Variants in LRP1B observed in about 807,000 individuals in gnomAD.
LRP1B encodes LDL receptor related protein 1B.
In LRP1B, 217 loss-of-function variants were observed where a neutral mutation model predicts 556.6. The ratio of observed to expected loss-of-function variants is 0.39; its 90% CI spans 0.35 to 0.44. LRP1B has a LOEUF of 0.44. Ranked by LOEUF, LRP1B falls within the 20% of genes least tolerant of loss-of-function variation. The pLI is 1.00. For synonymous variants in LRP1B, 2,047 were observed against 1,865.8 expected, an observed-to-expected ratio of 1.10 and a Z score of -2.50; for missense variants, 5,053 against 5,620.8, an observed-to-expected ratio of 0.90 and a Z score of 3.23.
At chr2:140,295,003 A>C (rs1002713354) in intron 84 of LRP1B, among the ~76,000 whole-genome samples, 3 of 151,960 alleles carry the variant, frequency 2.0e-5, no homozygotes, top group Non-Finnish European at 4.4e-5. Flanking sequence ...CAGCCTCCCT[A>C]GTAGCTGGGA....
intron 1 of LRP1B, among the ~76,000 whole-genome samples, chr2:141,880,222 G>T (rs1367682431): frequency 6.6e-6 from 1 of 151,888 alleles, no homozygotes. Context: ...TCTGAGGAAG[G>T]GAACTTGTCT....
chr2:141,434,055 G>C (rs1290651149), intron 3 of LRP1B, among the ~76,000 whole-genome samples: 3 of 149,648 alleles, frequency 2.0e-5, no homozygotes, highest in Admixed American at 2.0e-4. Flanking sequence ...CATCATGACT[G>C]TATGTCTGAG....
At chr2:140,514,596 T>C in intron 51 of LRP1B, 57 bp downstream of exon 51, 1 of 1,481,156 alleles carries the variant, frequency 6.8e-7, no homozygotes, top group Non-Finnish European at 9.0e-7. Flanking sequence ...TGCTATAAAA[T>C]GATAGAGCAT....
intron 1 of LRP1B, among the ~76,000 whole-genome samples, chr2:141,991,061 C>A (rs573306052): frequency 2.8e-4 from 43 of 152,010 alleles, no homozygotes; most frequent in Non-Finnish European, 6.0e-4. Flanking sequence ...TCATATCATA[C>A]TGAAGGCTAC....
intron 15 of LRP1B, among the ~76,000 whole-genome samples, chr2:140,997,605 C>T (rs1361704307): frequency 6.6e-6 from 1 of 151,864 alleles, no homozygotes; most frequent in African/African-American, 2.4e-5. Flanking sequence ...AGAATTATAA[C>T]TTAGTCATAA....
chr2:141,354,225 T>C (rs1185334292), intron 3 of LRP1B, among the ~76,000 whole-genome samples: 2 of 151,808 alleles, frequency 1.3e-5, no homozygotes, highest in African/African-American at 4.8e-5. Context: ...AAAAAAGAAA[T>C]GCAAATCAGG....
In LRP1B at chr2:141,854,190, A is replaced by G. The variant is rs147323070; in HGVS notation, c.83-43789T>C. 2.2e-3 allele frequency among the ~76,000 whole-genome samples: 342 copies of G among 152,156 alleles called. 2 individuals carry two copies. The highest frequency in any genetic ancestry group is 3.7e-3 in the Non-Finnish European group (253 of 67,934). The stretch of plus-strand genomic sequence containing the variant: ...CATGACTGACATTTATAATATAAAC[A>G]TGGAAGCGGCACTTACATTTTTAAA... On this transcript the variant is annotated intron_variant, in intron 1 of 90. Coordinates refer to ENST00000389484, the MANE Select transcript of LRP1B (RefSeq NM_018557.3).
chr2:140,492,649 T>C lies in LRP1B; in HGVS notation c.9079A>G (p.Lys3027Glu), dbSNP rs768186771. 1.2e-6 allele frequency: 2 copies of C among 1,613,784 alleles called. No homozygotes were observed. Among genetic ancestry groups the C allele is most frequent in the Admixed American group, 1.7e-5 (1 of 60,018 alleles). The change falls in exon 57 of 91, where the codon AAA (lysine) becomes GAA (glutamate). Residue 3027 changes from lysine to glutamate, a missense_variant. Around this residue, in one of 5 missense-constraint regions of LRP1B, gnomAD observed 3,619 missense variants for 3,931.9 expected, o/e 0.92. Coordinates refer to ENST00000389484, the MANE Select transcript of LRP1B (RefSeq NM_018557.3). ...LILADHHEIR[K>E]ISTDGSNYTL... ...TAGTTGGAGCCATCAGTGCTAATTT[T>C]CCTTATCTCATGATGATCAGCAAGA...
rs528378361 is a variant in LRP1B, at chr2:141,215,567, C to A, written c.850+13616G>T. Among the ~76,000 whole-genome samples the A allele has an allele frequency of 2.0e-5, 3 of 152,262 alleles. No individual in the cohort carries two copies. The South Asian group carries it at 6.2e-4, about 32-fold the overall frequency. ...CTGGGTATATGGTTGTGACCAAATG[C>A]TGATACTAATATGGACAGTGAAGTT... On this transcript the variant is annotated intron_variant, in intron 6 of 90. Transcript: ENST00000389484.
intron 66 of LRP1B, among the ~76,000 whole-genome samples, chr2:140,391,737 TATTA>T (rs1171600853): frequency 2.0e-5 from 3 of 152,164 alleles, no homozygotes; most frequent in East Asian, 1.9e-4. Flanking sequence ...GAATGCTTTA[TATTA>T]ATTAACTATA....
chr2:140,987,519 G>C (rs752164466), intron 17 of LRP1B, among the ~76,000 whole-genome samples: 1 of 152,048 alleles, frequency 6.6e-6, no homozygotes, highest in Non-Finnish European at 1.5e-5. Context: ...AATCACAAAT[G>C]CTTCTTTAAA....
chr2:141,192,058 A>T (rs1681538483), intron 6 of LRP1B, among the ~76,000 whole-genome samples: 1 of 151,950 alleles, frequency 6.6e-6, no homozygotes, highest in African/African-American at 2.4e-5. Flanking sequence ...AAGCATTGAG[A>T]TCTCACTACA....
chr2:140,476,397 G>T (rs2105349617), intron 59 of LRP1B, among the ~76,000 whole-genome samples: 1 of 151,808 alleles, frequency 6.6e-6, no homozygotes, highest in South Asian at 2.1e-4. Flanking sequence ...AAAATAATTT[G>T]GTTTGAAAAT....
intron 32 of LRP1B, among the ~76,000 whole-genome samples, chr2:140,807,507 ATTTTTT>A (rs368741661): frequency 7.6e-6 from 1 of 132,388 alleles, no homozygotes; most frequent in African/African-American, 2.8e-5. Context: ...CGCCTTGCTA[ATTTTTT>A]TTTTTTTTTT....
At chr2:140,686,153 T>C (rs16844512) in intron 41 of LRP1B, among the ~76,000 whole-genome samples, 2,145 of 152,042 alleles carry the variant, frequency 0.014, 52 homozygotes, top group African/African-American at 0.05. Flanking sequence ...AGGATGTGAG[T>C]AGGACTAGAG....
chr2:140,786,031 T>G (rs549225791), intron 32 of LRP1B, among the ~76,000 whole-genome samples: 1 of 152,170 alleles, frequency 6.6e-6, no homozygotes, highest in African/African-American at 2.4e-5. Flanking sequence ...CTGACTGCCA[T>G]TGCTAAGTGA....
chr2:140,590,240 A>G (rs549999125), intron 43 of LRP1B, among the ~76,000 whole-genome samples: 4 of 126,802 alleles, frequency 3.2e-5, no homozygotes, highest in African/African-American at 8.8e-5. Context: ...TTAAATGTGT[A>G]TATATATATA....
At chr2:140,902,860 G>T (rs1370978886) in intron 23 of LRP1B, 60 bp downstream of exon 23, 1 of 1,553,762 alleles carries the variant, frequency 6.4e-7, no homozygotes, top group Non-Finnish European at 8.8e-7. Flanking sequence ...GCAGTTTTGG[G>T]ATTTGTTTCT....
intron 11 of LRP1B, among the ~76,000 whole-genome samples, chr2:141,036,054 G>A (rs548650269): frequency 1.3e-5 from 2 of 152,082 alleles, no homozygotes; most frequent in South Asian, 2.1e-4. Context: ...AACAATAAGC[G>A]TAAACCCAAT....
Sources: gnomAD v4.1 joint callset for allele counts (sites outside exome capture counted in the v4.1 genomes callset) on GRCh38, gnomAD v4.1.1 for gene constraint, gnomAD v4.1.1 regional missense constraint, MANE v1.5 for transcripts, NCBI Gene and HGNC (gene_info 2026-07-23, HGNC 2026-07-21) for gene names.